FOXN2: variants seen among roughly 807,000 people sequenced by gnomAD.
FOXN2 encodes forkhead box protein N2.
In FOXN2, 19 loss-of-function variants were observed where a neutral mutation model predicts 41.2. The ratio of observed to expected loss-of-function variants is 0.46; its 90% confidence interval spans 0.32 to 0.68. The LOEUF is 0.68. Among genes scored for constraint, FOXN2 ranks in the 30% least tolerant of loss-of-function variants. The pLI, the probability that FOXN2 is intolerant of heterozygous loss-of-function variation, is 0.03. For missense variants in FOXN2, 587 were observed against 509.4 expected, an observed-to-expected ratio of 1.15 and a Z score of -1.47; for synonymous variants, 195 against 176.8, an observed-to-expected ratio of 1.10 and a Z score of -0.82.
Position 48,317,448 on chromosome 2 carries a change from CAAAAAA to C in FOXN2, c.-157+2641_-157+2646del, listed in dbSNP as rs373440536. The stretch of plus-strand genomic sequence containing the variant: ...TGGGCAACGGGGCAAAACTCTGTCT[CAAAAAA>C]AAAAAATTTTTTTTTTGAAGGGTTG... On this transcript the variant is annotated intron_variant, in intron 1 of 6. Transcript: ENST00000340553. Among the ~76,000 whole-genome samples the C allele has an allele frequency of 2.1e-5, 3 of 142,066 alleles. No homozygotes were observed. In the Admixed American group the frequency reaches 2.1e-4, roughly 10 times the overall value. The allele number at this position is 142,066 out of a possible 152,430, so 93.2% of individuals were successfully genotyped here.
At chr2:48,315,614 T>C (rs1012685894) in intron 1 of FOXN2, among the ~76,000 whole-genome samples, 1 of 152,218 alleles carries the variant, frequency 6.6e-6, no homozygotes, top group Non-Finnish European at 1.5e-5. Flanking sequence ...GCCTTTCAAG[T>C]TTGCCCCACT....
At chr2:48,338,010 A>G (rs892666497) in intron 2 of FOXN2, among the ~76,000 whole-genome samples, 2 of 152,214 alleles carry the variant, frequency 1.3e-5, no homozygotes, top group Admixed American at 6.5e-5. Context: ...TATTTCATCC[A>G]TGCACCATAG....
intron 4 of FOXN2, among the ~76,000 whole-genome samples, chr2:48,359,790 T>G (rs1303086650): frequency 6.6e-6 from 1 of 152,142 alleles, no homozygotes; most frequent in Non-Finnish European, 1.5e-5. Flanking sequence ...TAATATAATT[T>G]CAGTTACAAA....
intron 4 of FOXN2, among the ~76,000 whole-genome samples, chr2:48,361,224 T>C (rs942074130): frequency 6.6e-6 from 1 of 152,120 alleles, no homozygotes; most frequent in Non-Finnish European, 1.5e-5. Context: ...CCCAGCACTT[T>C]GGTAGGCCGA....
At chr2:48,354,404 A>G (rs1461495797) in intron 3 of FOXN2, among the ~76,000 whole-genome samples, 2 of 152,212 alleles carry the variant, frequency 1.3e-5, no homozygotes, top group Non-Finnish European at 2.9e-5. Flanking sequence ...GGTCAAGTCC[A>G]GCCTGGCCAA....
At chr2:48,347,755 G>A (rs1671207616) in intron 3 of FOXN2, among the ~76,000 whole-genome samples, 1 of 152,118 alleles carries the variant, frequency 6.6e-6, no homozygotes, top group Non-Finnish European at 1.5e-5. Context: ...CCTTTTGCCT[G>A]GAGAAGTTTA....
Position 48,360,938 on chromosome 2 carries a change from T to A in FOXN2, c.639-1705T>A, listed in dbSNP as rs1253488425. 1.0e-4 allele frequency among the ~76,000 whole-genome samples: 15 copies of A among 150,588 alleles called. No homozygotes were observed. In the East Asian group the frequency reaches 2.9e-3, roughly 29 times the overall value. On this transcript the variant is annotated intron_variant, in intron 4 of 6. Transcript: ENST00000340553. The stretch of plus-strand genomic sequence containing the variant: ...GTGAGGTGGGAGGATCGTTTGAGCC[T>A]GGGAGGCAGATGTTGCAATGAGCCA...
rs532687404 is a variant in FOXN2, at chr2:48,322,034, C to T, written c.-156-6527C>T. 6.6e-5 allele frequency among the ~76,000 whole-genome samples: 10 copies of T among 152,278 alleles called. No homozygotes were observed. The East Asian group carries it at 7.7e-4, about 12-fold the overall frequency. ...CGTGATCTCGGCTTATTGCAATCTC[C>T]GCCTTCGAGGTTCAAGCAATTCTTT... On this transcript the variant is annotated intron_variant, in intron 1 of 6. Transcript: ENST00000340553.
chr2:48,352,000 C>T (rs1671479960), intron 3 of FOXN2, among the ~76,000 whole-genome samples: 1 of 152,104 alleles, frequency 6.6e-6, no homozygotes, highest in Admixed American at 6.6e-5. Context: ...GGTGGAAAAG[C>T]AGAGTGATCC....
chr2:48,316,914 A>G (rs1668954016), intron 1 of FOXN2, among the ~76,000 whole-genome samples: 1 of 145,594 alleles, frequency 6.9e-6, no homozygotes, highest in Admixed American at 7.1e-5. Context: ...TGGAATTTTA[A>G]TTACCCCATA....
chr2:48,339,445 A>G (rs142083933), intron 2 of FOXN2, among the ~76,000 whole-genome samples: 12 of 152,196 alleles, frequency 7.9e-5, no homozygotes, highest in African/African-American at 2.9e-4. Context: ...CCACCATGTG[A>G]AGAAGGACAT....
At chr2:48,349,009 G>C (rs1671284570) in intron 3 of FOXN2, among the ~76,000 whole-genome samples, 1 of 152,160 alleles carries the variant, frequency 6.6e-6, no homozygotes, top group Non-Finnish European at 1.5e-5. Flanking sequence ...CTGTGCTTCA[G>C]GTGTGAGTCT....
chr2:48,359,288 AGTTTTT>A lies in FOXN2; in HGVS notation c.638+153_638+158del, dbSNP rs1174880170. 4.8e-4 allele frequency: 277 copies of A among 575,944 alleles called. 1 individual carries two copies. Among genetic ancestry groups the A allele is most frequent in the African/African-American group, 4.3e-3 (204 of 47,822 alleles). The allele number at this position is 575,944 out of a possible 1,614,324, so 35.7% of individuals were successfully genotyped here. ...ATGTTTTATTTAGTTTTTAGTTTTT[AGTTTTT>A]GTTTTTGTTTTGTTTTGTGGACACA... On this transcript the variant is annotated intron_variant, in intron 4 of 6. Transcript: ENST00000340553.
intron 3 of FOXN2, among the ~76,000 whole-genome samples, chr2:48,354,307 T>C (rs1671646932): frequency 6.6e-6 from 1 of 152,154 alleles, no homozygotes; most frequent in African/African-American, 2.4e-5. Flanking sequence ...AAATATATAA[T>C]AAGTGCTGTG....
chr2:48,317,681 C>T (rs1182968163), intron 1 of FOXN2, among the ~76,000 whole-genome samples: 1 of 124,570 alleles, frequency 8.0e-6, no homozygotes, highest in Non-Finnish European at 1.6e-5. Context: ...TATCTTGGCT[C>T]ACTGCAACCT....
chr2:48,354,376 C>T (rs187945123), intron 3 of FOXN2, among the ~76,000 whole-genome samples: 62 of 152,184 alleles, frequency 4.1e-4, no homozygotes, highest in African/African-American at 1.1e-3. Flanking sequence ...CTGAGGTGGG[C>T]GGATCACGAG....
At chr2:48,323,394 C>T (rs545788998) in intron 1 of FOXN2, among the ~76,000 whole-genome samples, 1 of 152,132 alleles carries the variant, frequency 6.6e-6, no homozygotes, top group African/African-American at 2.4e-5. Context: ...TCCTTGCCAG[C>T]ATTGTTAATT....
chr2:48,366,583 C>T (rs963444706), intron 5 of FOXN2, among the ~76,000 whole-genome samples: 5 of 152,068 alleles, frequency 3.3e-5, no homozygotes, highest in Non-Finnish European at 7.4e-5. Context: ...GCTTATTTAG[C>T]ATAATAAGGA....
At chr2:48,330,734 A>G (rs1054572289) in intron 2 of FOXN2, among the ~76,000 whole-genome samples, 4 of 151,504 alleles carry the variant, frequency 2.6e-5, no homozygotes, top group African/African-American at 9.7e-5. Context: ...AAGACCACCT[A>G]AAAAGAATTA....
Sources: gnomAD v4.1 joint callset for allele counts (sites outside exome capture counted in the v4.1 genomes callset) on GRCh38, gnomAD v4.1.1 for gene constraint, MANE v1.5 for transcripts, NCBI Gene and HGNC (gene_info 2026-07-23, HGNC 2026-07-21) for gene names.